The following ADAMTS13 variants were observed in gnomAD, a reference collection of about 807,000 sequenced individuals.
The protein encoded by ADAMTS13 is A disintegrin and metalloproteinase with thrombospondin motifs 13.
In ADAMTS13, 110 loss-of-function variants were observed where a neutral mutation model predicts 155.1. That is an observed-to-expected ratio of 0.71 (90% CI 0.61 to 0.83). The LOEUF is 0.83. Among genes scored for constraint, ADAMTS13 ranks in the 40% least tolerant of loss-of-function variants. The pLI, the probability that ADAMTS13 is intolerant of heterozygous loss-of-function variation, is 0.00. For synonymous variants in ADAMTS13, 758 were observed against 756.4 expected (o/e 1.00, Z -0.03); for missense variants, 1,707 against 1,891.7 (o/e 0.90, Z 1.81).
rs1225395003 is a variant in ADAMTS13, at chr9:133,441,337, C to T, written c.1968+812C>T. Among the ~76,000 whole-genome samples, 1 of 152,196 alleles carries T rather than the reference C, an allele frequency of 6.6e-6. No individual in the cohort carries two copies. Among genetic ancestry groups the T allele is most frequent in the Non-Finnish European group, 1.5e-5 (1 of 68,044 alleles). On this transcript the variant is annotated intron_variant, in intron 16 of 28. Transcript: ENST00000355699. The surrounding 1 kb of genome is among the most constrained non-coding windows in gnomAD (Gnocchi z 5.0). ...GTGAGCGGCTTATCCCTTCTCTTCC[C>T]CTGATATGGTTCCCTTCCTCCCCTC...
chr9:133,414,929 A>G (rs782439812), intron 1 of ADAMTS13: 2 of 1,613,622 alleles, frequency 1.2e-6, no homozygotes, highest in Admixed American at 1.7e-5. Flanking sequence ...GTTTTGCTGG[A>G]TAATTTTGGG....
In ADAMTS13 at chr9:133,459,070, G is replaced by C; in HGVS notation, c.4006G>C (p.Glu1336Gln). 6.2e-7 allele frequency: 1 copy of C among 1,612,938 alleles called. No individual in the cohort carries two copies. Among genetic ancestry groups the C allele is most frequent in the East Asian group, 2.2e-5 (1 of 44,866 alleles). Residue 1336 changes from glutamate (E) to glutamine (Q), a missense_variant, in exon 29 of 29, where the codon GAG becomes CAG. Coordinates refer to ENST00000355699, the MANE Select transcript of ADAMTS13 (RefSeq NM_139027.6). ...CAGCCAGGCTGAGATGGAGTTCAGC[G>C]AGGGCTTCCTGAAGGCTCAGGCCAG... Reference protein sequence around the residue: ...ESSQAEMEFSEGFLKAQASLR... With the variant: ...ESSQAEMEFSQGFLKAQASLR...
At chr9:133,415,279 C>CT (rs748276629) in intron 1 of ADAMTS13, among the ~76,000 whole-genome samples, 41 of 152,310 alleles carry the variant, frequency 2.7e-4, no homozygotes, top group Admixed American at 5.9e-4. Context: ...AAATGTCAAA[C>CT]TCATTCTACA....
At position 133,425,929 on chromosome 9, in the gene ADAMTS13, G is replaced by A. The variant is rs1317704241; in HGVS notation, c.415-9G>A. The A allele has an allele frequency of 3.7e-6, 6 of 1,613,260 alleles. No homozygotes were observed. The highest frequency in any genetic ancestry group is 5.1e-6 in the Non-Finnish European group (6 of 1,180,000). The stretch of plus-strand genomic sequence containing the variant: ...TGTCCTAAATGCAGGCTTTGCTGTG[G>A]GTCCGCAGGGTGCTCCAAATATCAC... On this transcript the variant is annotated splice_polypyrimidine_tract_variant and intron_variant, in intron 4 of 28. Coordinates refer to ENST00000355699, the MANE Select transcript of ADAMTS13 (RefSeq NM_139027.6). This position sits in a 1 kb window ranked among gnomAD's most constrained non-coding sequence, Gnocchi z 4.6.
chr9:133,458,922 G>C (rs923519564), intron 28 of ADAMTS13, 52 bp from the exon 29 acceptor site: 5 of 1,531,024 alleles, frequency 3.3e-6, no homozygotes, highest in Non-Finnish European at 4.5e-6. Context: ...GCTTCCGTGA[G>C]TGCTAATTAT....
At chr9:133,455,729 G>A in intron 25 of ADAMTS13, 1 of 1,302,112 alleles carries the variant, frequency 7.7e-7, no homozygotes, top group African/African-American at 1.5e-5. Flanking sequence ...GCCGGGATCA[G>A]GGCTGGCCCT....
chr9:133,428,793 G>T, intron 7 of ADAMTS13, 22 bp downstream of exon 7: 1 of 1,285,014 alleles, frequency 7.8e-7, no homozygotes, highest in South Asian at 2.3e-5. Flanking sequence ...CCCGTGGGAG[G>T]GGCGCGCGAG....
intron 11 of ADAMTS13, among the ~76,000 whole-genome samples, chr9:133,434,667 G>A (rs781802811): frequency 6.6e-6 from 1 of 152,282 alleles, no homozygotes; most frequent in African/African-American, 2.4e-5. Context: ...TTTTAAAGTG[G>A]CAACTCAGTG....
In ADAMTS13 at chr9:133,458,099, G is replaced by C; in HGVS notation, c.3909+5G>C. 1 of 1,612,820 alleles carries C rather than the reference G, an allele frequency of 6.2e-7. No homozygotes were observed. Among genetic ancestry groups the C allele is most frequent in the South Asian group, 1.1e-5 (1 of 90,988 alleles). ...GCCAATGCCAGCTACATCTTGGTGA[G>C]GCCCAGCATGGGGACTTGTGCTGTG... On this transcript the variant is annotated splice_donor_5th_base_variant and intron_variant, in intron 28 of 28. Transcript: ENST00000355699.
Position 133,456,349 on chromosome 9 carries a change from G to C in ADAMTS13, c.3547+134G>C. 4 of 1,461,538 alleles carry C rather than the reference G, an allele frequency of 2.7e-6. No homozygotes were observed. The highest frequency in any genetic ancestry group is 3.7e-6 in the Non-Finnish European group (4 of 1,068,718). 90.5% of individuals were successfully genotyped at this position (1,461,538 alleles called of 1,614,324 possible). ...TAGTTTGCATCCCATCTCATGACTG[G>C]GGAGTGATGATCTGCATTTTACAGA... On this transcript the variant is annotated intron_variant, in intron 26 of 28. Coordinates refer to ENST00000355699, the MANE Select transcript of ADAMTS13 (RefSeq NM_139027.6). This position sits in a 1 kb window ranked among gnomAD's most constrained non-coding sequence, Gnocchi z 4.4.
At chr9:133,438,193 T>C in intron 13 of ADAMTS13, 53 bp from the exon 14 acceptor site, 3 of 1,613,718 alleles carry the variant, frequency 1.9e-6, no homozygotes, top group Admixed American at 1.7e-5. Context: ...TGCAGAGTCA[T>C]TGAGGCCAGC....
chr9:133,454,935 G>T lies in ADAMTS13; in HGVS notation c.3249+316G>T, dbSNP rs1842650190. 2.6e-5 allele frequency among the ~76,000 whole-genome samples: 4 copies of T among 152,178 alleles called. 1 individual carries two copies. Among genetic ancestry groups the T allele is most frequent in the Admixed American group, 2.6e-4 (4 of 15,284 alleles). On this transcript the variant is annotated intron_variant, in intron 24 of 28. Transcript: ENST00000355699. ...AGGCAGGACAGACAAGGGTAAATGG[G>T]GTTCAGGCTGCCCCCTGGAGGGGCT...
At position 133,445,584 on chromosome 9, in the gene ADAMTS13, T is replaced by C; in HGVS notation, c.2611-115T>C. ...CCAAGGGAGGAGGGGAGGGAGCCCC[T>C]GGTGCACACACGCCACTTCCTGGTC... On this transcript the variant is annotated intron_variant, in intron 20 of 28. Transcript: ENST00000355699. The surrounding 1 kb of genome is among the most constrained non-coding windows in gnomAD (Gnocchi z 5.0). 1.3e-6 allele frequency: 2 copies of C among 1,536,654 alleles called. No homozygotes were observed. The highest frequency in any genetic ancestry group is 1.8e-6 in the Non-Finnish European group (2 of 1,120,520).
intron 11 of ADAMTS13, among the ~76,000 whole-genome samples, chr9:133,436,357 G>A (rs1437017431): frequency 1.5e-5 from 2 of 137,092 alleles, no homozygotes; most frequent in Non-Finnish European, 3.4e-5. Context: ...GTGGGATTTC[G>A]TGGAGGCAGT....
chr9:133,447,142 C>T (rs1842119860), intron 21 of ADAMTS13, among the ~76,000 whole-genome samples: 1 of 151,610 alleles, frequency 6.6e-6, no homozygotes, highest in Admixed American at 6.6e-5. Flanking sequence ...GGCGTGAGCC[C>T]CCACACCTGG....
At chr9:133,430,142 C>T in intron 8 of ADAMTS13, 41 bp downstream of exon 8, 1 of 1,551,672 alleles carries the variant, frequency 6.4e-7, no homozygotes, top group Non-Finnish European at 8.7e-7. Context: ...CTGTGAGGTC[C>T]CTCCGCATCA....
chr9:133,414,973 A>G (rs782346333), intron 1 of ADAMTS13: 1 of 1,600,340 alleles, frequency 6.2e-7, no homozygotes, highest in Non-Finnish European at 8.5e-7. Flanking sequence ...AGATGACAAG[A>G]GGCTTTTCTG....
intron 23 of ADAMTS13, among the ~76,000 whole-genome samples, chr9:133,453,370 A>G (rs1842555237): frequency 6.6e-6 from 1 of 152,164 alleles, no homozygotes; most frequent in East Asian, 1.9e-4. Context: ...CAGGAGGCGG[A>G]GCTTGCAGTG....
At chr9:133,426,434 C>A (rs587616259) in intron 6 of ADAMTS13, 89 bp downstream of exon 6, 14 of 1,540,160 alleles carry the variant, frequency 9.1e-6, no homozygotes, top group Non-Finnish European at 1.2e-5. Flanking sequence ...GCAGTGGGTC[C>A]TTGTAGAGTT....
Sources: allele counts gnomAD v4.1 joint callset (sites outside exome capture counted in the v4.1 genomes callset), GRCh38; gene constraint gnomAD v4.1.1; non-coding constraint Gnocchi (gnomAD v3.1); transcripts MANE v1.5; gene names NCBI Gene and HGNC (gene_info 2026-07-23, HGNC 2026-07-21).